ANKRD10: variants seen among roughly 807,000 people sequenced by gnomAD.
The protein encoded by ANKRD10 is ankyrin repeat domain-containing protein 10.
Under a neutral mutation model 27.0 loss-of-function variants are expected in ANKRD10, and 14 were observed. That is an observed-to-expected ratio of 0.52 (90% confidence interval 0.34 to 0.81). The LOEUF is 0.81. Ranked by LOEUF, ANKRD10 falls within the 40% of genes least tolerant of loss-of-function variation. ANKRD10 has a pLI of 0.01. For synonymous variants in ANKRD10, 250 were observed against 224.5 expected, an observed-to-expected ratio of 1.11 and a Z score of -1.01; for missense variants, 493 against 544.0, an observed-to-expected ratio of 0.91 and a Z score of 0.93.
chr13:110,887,295 C>G (rs1216816859), intron 4 of ANKRD10, among the ~76,000 whole-genome samples: 1 of 152,162 alleles, frequency 6.6e-6, no homozygotes, highest in Admixed American at 6.5e-5. Context: ...CAGCTTGAAA[C>G]CATGAAAAAA....
At chr13:110,903,392 C>CA (rs1328429182) in intron 3 of ANKRD10, 1 of 153,996 alleles carries the variant, frequency 6.5e-6, no homozygotes, top group African/African-American at 2.4e-5. Context: ...AAGCCAGAAA[C>CA]AGAGCCTCAC....
Position 110,914,691 on chromosome 13 carries a change from G to A in ANKRD10, c.210+34C>T, listed in dbSNP as rs767602729. ...TTTCCCCGACTCCCACTGGACAGCC[G>A]GGGAAAATGGCGCCTTAAAGCGTTC... On this transcript the variant is annotated intron_variant, in intron 1 of 5. Transcript: ENST00000267339. The A allele has an allele frequency of 1.8e-5, 27 of 1,536,424 alleles. No individual in the cohort carries two copies. The South Asian group carries it at 2.8e-4, about 16-fold the overall frequency.
chr13:110,906,245 G>A (rs2065529774), intron 2 of ANKRD10, 121 bp from the exon 3 acceptor site: 1 of 749,394 alleles, frequency 1.3e-6, no homozygotes, highest in Non-Finnish European at 2.1e-6. Flanking sequence ...AACATGTTGA[G>A]CAAGATCTGA....
chr13:110,879,612 G>A lies in ANKRD10; in HGVS notation c.*25C>T, dbSNP rs372010795. The stretch of plus-strand genomic sequence containing the variant: ...GCTGGCTACCAGGAAGGACTCCTGC[G>A]TTTCCGAGAGCCAGGTCAGCGTCTC... On this transcript the variant is annotated 3_prime_UTR_variant, in exon 6 of 6. Transcript: ENST00000267339. 2.7e-5 allele frequency: 43 copies of A among 1,580,278 alleles called. No homozygotes were observed. Among genetic ancestry groups the A allele is most frequent in the African/African-American group, 2.7e-4 (20 of 74,336 alleles).
chr13:110,879,505 T>C lies in ANKRD10; in HGVS notation c.*132A>G, dbSNP rs557256213. ...GCAGTTGCTGGGAACTTGTCGAAGT[T>C]TACTTTTTCAGAAAGTTGAAGTATA... On this transcript the variant is annotated 3_prime_UTR_variant, in exon 6 of 6. Transcript: ENST00000267339. 2.2e-5 allele frequency: 16 copies of C among 720,074 alleles called. No individual in the cohort carries two copies. In the African/African-American group the frequency reaches 2.7e-4, roughly 12 times the overall value. The allele number at this position is 720,074 out of a possible 1,614,324, so 44.6% of individuals were successfully genotyped here.
At chr13:110,882,635 C>G (rs2064841317) in intron 5 of ANKRD10, among the ~76,000 whole-genome samples, 1 of 152,192 alleles carries the variant, frequency 6.6e-6, no homozygotes. Flanking sequence ...TGTTATGGAT[C>G]TTTAGCTAAG....
At chr13:110,884,790 G>A (rs1343245336) in intron 4 of ANKRD10, among the ~76,000 whole-genome samples, 1 of 152,142 alleles carries the variant, frequency 6.6e-6, no homozygotes, top group Non-Finnish European at 1.5e-5. Flanking sequence ...CTGGGCCAAA[G>A]AATATACACC....
chr13:110,904,427 T>C (rs1449524874), intron 3 of ANKRD10: 2 of 152,220 alleles, frequency 1.3e-5, no homozygotes, highest in African/African-American at 4.8e-5. Context: ...GTGATATTTA[T>C]TGGCTGAAAA....
chr13:110,910,953 T>C (rs919694717), intron 1 of ANKRD10, among the ~76,000 whole-genome samples, 183 bp from the exon 2 acceptor site: 6 of 152,226 alleles, frequency 3.9e-5, no homozygotes, highest in Non-Finnish European at 8.8e-5. Flanking sequence ...CATATTCCCT[T>C]GTCCTTATGA....
chr13:110,890,736 C>T (rs979830193), intron 4 of ANKRD10, among the ~76,000 whole-genome samples: 1 of 152,178 alleles, frequency 6.6e-6, no homozygotes, highest in Admixed American at 6.5e-5. Context: ...CGGCTCCAAC[C>T]ATATTTTTGT....
rs1309068808 is a variant in ANKRD10, at chr13:110,878,968, G to A, written c.*669C>T. On this transcript the variant is annotated 3_prime_UTR_variant, in exon 6 of 6. Transcript: ENST00000267339. ...ATGTGGTAAAACTTCCAGAGACCAA[G>A]TAGGAAGTGTGGAATAAAAACAATA... The A allele has an allele frequency of 6.6e-6, 1 of 152,400 alleles. No individual in the cohort carries two copies. Among genetic ancestry groups the A allele is most frequent in the Non-Finnish European group, 1.5e-5 (1 of 68,174 alleles). The allele number at this position is 152,400 out of a possible 1,614,324, so 9.4% of individuals were successfully genotyped here.
chr13:110,899,470 T>C (rs1415115979), intron 3 of ANKRD10, among the ~76,000 whole-genome samples: 1 of 152,170 alleles, frequency 6.6e-6, no homozygotes, highest in African/African-American at 2.4e-5. Flanking sequence ...CTCTCCTACA[T>C]CCATTTGAAA....
intron 4 of ANKRD10, among the ~76,000 whole-genome samples, chr13:110,884,941 G>C (rs1044422615): frequency 6.6e-6 from 1 of 151,760 alleles, no homozygotes; most frequent in African/African-American, 2.4e-5. Flanking sequence ...ATGATATCTG[G>C]ATTATTCTAC....
At chr13:110,900,551 C>G in intron 3 of ANKRD10, 2 of 1,344,704 alleles carry the variant, frequency 1.5e-6, no homozygotes, top group Non-Finnish European at 2.0e-6. Context: ...GCCTCGTGTG[C>G]AGAAAGGAAG....
chr13:110,901,375 A>C (rs2065375582), intron 3 of ANKRD10, among the ~76,000 whole-genome samples: 1 of 152,220 alleles, frequency 6.6e-6, no homozygotes, highest in Non-Finnish European at 1.5e-5. Flanking sequence ...CTGCAATTGA[A>C]CCAAAATTAT....
chr13:110,900,463 T>G (rs1425657786), intron 3 of ANKRD10: 1 of 1,130,990 alleles, frequency 8.8e-7, no homozygotes, highest in Non-Finnish European at 1.1e-6. Context: ...AAGCAAAGCA[T>G]GCAAATCTAA....
At position 110,879,967 on chromosome 13, in the gene ANKRD10, ACTG is replaced by A. The variant is rs753084317; in HGVS notation, c.930_932del (p.Ser311del). The A allele has an allele frequency of 6.2e-7, 1 of 1,614,146 alleles. No individual in the cohort carries two copies. Among genetic ancestry groups the A allele is most frequent in the South Asian group, 1.1e-5 (1 of 91,090 alleles). On this transcript the variant is annotated inframe_deletion, in exon 6 of 6. Transcript: ENST00000267339. ...GAAACGGCTGTCCTGGGGCTAATCC[ACTG>A]CTAATTCCGTTAGTTCCTGTCAAGC...
intron 4 of ANKRD10, chr13:110,892,599 T>C: frequency 2.3e-6 from 1 of 443,108 alleles, no homozygotes; most frequent in Non-Finnish European, 3.0e-6. Context: ...AACATTCACC[T>C]TCCCGAATGT....
intron 3 of ANKRD10, among the ~76,000 whole-genome samples, chr13:110,901,583 A>T (rs1230407310): frequency 1.3e-5 from 2 of 152,220 alleles, no homozygotes; most frequent in Non-Finnish European, 2.9e-5. Flanking sequence ...AAAACAATCA[A>T]AATTCTGAAC....
Sources: gnomAD v4.1 joint callset for allele counts (sites outside exome capture counted in the v4.1 genomes callset) on GRCh38, gnomAD v4.1.1 for gene constraint, MANE v1.5 for transcripts, NCBI Gene and HGNC (gene_info 2026-07-23, HGNC 2026-07-21) for gene names.